Variants in PIWIL1 observed in about 807,000 individuals in gnomAD.
PIWIL1 encodes piwi-like protein 1.
A neutral mutation model predicts 114.4 loss-of-function variants in PIWIL1; 73 were observed. That is an observed-to-expected ratio of 0.64 (90% confidence interval 0.53 to 0.78). The LOEUF (loss-of-function observed/expected upper bound fraction) is 0.78, where lower values mean the gene tolerates loss of function less well. Among genes scored for constraint, PIWIL1 ranks in the 30% least tolerant of loss-of-function variants. The probability of loss-of-function intolerance (pLI) is 0.00; values close to 1 mark genes in which losing one functional copy is unlikely to be tolerated. For synonymous variants in PIWIL1, 375 were observed against 369.0 expected, an observed-to-expected ratio of 1.02 and a Z score of -0.19; for missense variants, 723 against 1,063.1, an observed-to-expected ratio of 0.68 and a Z score of 4.45.
chr12:130,399,011 T>C, the PIWIL1 span: 2 of 310,208 alleles, frequency 6.4e-6, no homozygotes, highest in African/African-American at 2.2e-5. Context: ...CTTTGTATCT[T>C]TTTTTTTTTT....
intron 3 of PIWIL1, among the ~76,000 whole-genome samples, chr12:130,344,452 A>T (rs1355542230): frequency 6.6e-6 from 1 of 152,222 alleles, no homozygotes; most frequent in Non-Finnish European, 1.5e-5. Flanking sequence ...TTTAGACGTG[A>T]TATTTAAAAC....
At chr12:130,414,349 A>G in the PIWIL1 span, 1 of 1,522,390 alleles carries the variant, frequency 6.6e-7, no homozygotes, top group Non-Finnish European at 8.8e-7. Flanking sequence ...CAGTGAGCCT[A>G]ACTGAGGAGC....
At chr12:130,375,522 CG>C (rs1249194431), downstream of PIWIL1, among the ~76,000 whole-genome samples, 4 of 152,186 alleles carry the variant, frequency 2.6e-5, no homozygotes, top group Non-Finnish European at 5.9e-5. Context: ...GGTGTTGTGG[CG>C]GCACGCACGG....
the PIWIL1 span, chr12:130,425,292 G>A: frequency 0.096 from 15,271 of 159,074 alleles, 855 homozygotes; most frequent in East Asian, 0.19. Context: ...TGTGACTGGA[G>A]ACAGTTCACC....
At chr12:130,421,689 A>ATGTGTGTGTGTGTGTGTGTGTGTGTG in the PIWIL1 span, among the ~76,000 whole-genome samples, 1 of 106,954 alleles carries the variant, frequency 9.3e-6, no homozygotes, top group African/African-American at 5.2e-5. Flanking sequence ...CCCTGCATTT[A>ATGTGTGTGTGTGTGTGTGTGTGTGTG]TATGTGTGTG....
At chr12:130,378,499 C>T in the PIWIL1 span, among the ~76,000 whole-genome samples, 1 of 152,074 alleles carries the variant, frequency 6.6e-6, no homozygotes, top group Admixed American at 6.6e-5. Flanking sequence ...TGAGGAATTG[C>T]TGGATTTATA....
chr12:130,361,662 C>T (rs531146647), intron 16 of PIWIL1, 61 bp downstream of exon 16: 119 of 1,277,474 alleles, frequency 9.3e-5, no homozygotes, highest in Admixed American at 7.0e-5. Flanking sequence ...TCTGGAGGTT[C>T]AGGAGTAGTG....
intron 3 of PIWIL1, 110 bp from the exon 4 acceptor site, chr12:130,345,643 C>T: frequency 4.3e-6 from 5 of 1,165,264 alleles, no homozygotes; most frequent in East Asian, 2.4e-5. Context: ...TATGCCTTGT[C>T]TTCTACACCT....
At chr12:130,414,410 T>C in the PIWIL1 span, 1 of 1,196,182 alleles carries the variant, frequency 8.4e-7, no homozygotes, top group Non-Finnish European at 1.2e-6. Flanking sequence ...AGCGGTTCCT[T>C]GACTTTTGTC....
At chr12:130,400,635 A>G in the PIWIL1 span, among the ~76,000 whole-genome samples, 3 of 152,298 alleles carry the variant, frequency 2.0e-5, no homozygotes, top group East Asian at 5.8e-4. Flanking sequence ...GAAATGACAT[A>G]AAGAGCCTAC....
chr12:130,392,375 C>CGTGTCCGTCAGTTACCTGGTGA, the PIWIL1 span, among the ~76,000 whole-genome samples: 1 of 49,000 alleles, frequency 2.0e-5, no homozygotes, highest in African/African-American at 1.6e-4. Flanking sequence ...ACCGTCATCA[C>CGTGTCCGTCAGTTACCTGGTGA]ATGTGTCCGT....
chr12:130,370,164 C>T lies in PIWIL1; in HGVS notation c.2322-1012C>T, dbSNP rs189195064. Among the ~76,000 whole-genome samples, 22 of 151,776 alleles carry T rather than the reference C, an allele frequency of 1.4e-4. No individual in the cohort carries two copies. The East Asian group carries it at 3.1e-3, about 21-fold the overall frequency. ...ACTAGTTTTGATGGGCATAATAAATCGCAGGGTTAATTTCCTTAAATCTTT... is the reference window on the plus strand; with the variant it reads ...ACTAGTTTTGATGGGCATAATAAATTGCAGGGTTAATTTCCTTAAATCTTT... On this transcript the variant is annotated intron_variant, in intron 19 of 20. Coordinates refer to ENST00000245255, the MANE Select transcript of PIWIL1 (RefSeq NM_004764.5).
chr12:130,355,676 G>A lies in PIWIL1; in HGVS notation c.1404+9G>A, dbSNP rs768818787. The stretch of plus-strand genomic sequence containing the variant: ...ACCAAGGTGGAAAAACAGTAAGGCA[G>A]TTTTTCGTTGGTGTTGTTGTTGTTT... On this transcript the variant is annotated intron_variant, in intron 12 of 20. Coordinates refer to ENST00000245255, the MANE Select transcript of PIWIL1 (RefSeq NM_004764.5). 1.4e-5 allele frequency: 22 copies of A among 1,570,358 alleles called. No individual in the cohort carries two copies. The South Asian group carries it at 2.2e-4, about 16-fold the overall frequency.
chr12:130,365,770 C>A (rs1372257583), intron 18 of PIWIL1, among the ~76,000 whole-genome samples: 2 of 152,200 alleles, frequency 1.3e-5, no homozygotes, highest in South Asian at 2.1e-4. Flanking sequence ...TAGATGCTGT[C>A]ATGAAGTCCT....
In PIWIL1 at chr12:130,354,667, C is replaced by T. The variant is rs1192796182; in HGVS notation, c.1171+4C>T. ...CCTGAGCTCTGCTATCTTACAGGTA[C>T]TGTTGCATTTCATTTACTCGGAAGG... is the stretch of plus-strand genomic sequence containing the variant. On this transcript the variant is annotated splice_donor_region_variant and intron_variant, in intron 10 of 20. Coordinates refer to ENST00000245255, the MANE Select transcript of PIWIL1 (RefSeq NM_004764.5). 1 of 1,567,160 alleles carries T rather than the reference C, an allele frequency of 6.4e-7. No individual in the cohort carries two copies. The highest frequency in any genetic ancestry group is 2.3e-5 in the East Asian group (1 of 44,396).
the PIWIL1 span, among the ~76,000 whole-genome samples, chr12:130,387,688 C>T: frequency 1.3e-5 from 2 of 151,656 alleles, no homozygotes; most frequent in East Asian, 3.9e-4. Context: ...CCACCCCCTT[C>T]CTGTCTCCAT....
intron 2 of PIWIL1, 144 bp from the exon 3 acceptor site, chr12:130,342,846 T>C (rs2072962765): frequency 2.7e-6 from 2 of 733,906 alleles, no homozygotes; most frequent in Non-Finnish European, 4.6e-6. Context: ...GTGACTCTTC[T>C]CTCAAATTTA....
chr12:130,389,757 T>C, the PIWIL1 span, among the ~76,000 whole-genome samples: 1 of 152,218 alleles, frequency 6.6e-6, no homozygotes, highest in Non-Finnish European at 1.5e-5. Context: ...TTCTACTCTT[T>C]ATCTCTTTTC....
chr12:130,369,631 C>T (rs2073764656), intron 19 of PIWIL1, among the ~76,000 whole-genome samples: 1 of 152,154 alleles, frequency 6.6e-6, no homozygotes, highest in Non-Finnish European at 1.5e-5. Flanking sequence ...ATTTGCATTT[C>T]TCTAATGATC....
Sources: allele counts gnomAD v4.1 joint callset (sites outside exome capture counted in the v4.1 genomes callset), GRCh38; gene constraint gnomAD v4.1.1; transcripts MANE v1.5; gene names NCBI Gene and HGNC (gene_info 2026-07-23, HGNC 2026-07-21).